The following KHDRBS3 variants were observed in gnomAD, a reference collection of about 807,000 sequenced individuals.
The protein encoded by KHDRBS3 is KH RNA binding domain containing, signal transduction associated 3, also known as KH domain-containing, RNA-binding, signal transduction-associated protein 3.
A neutral mutation model predicts 45.6 loss-of-function variants in KHDRBS3; 23 were observed. The ratio of observed to expected loss-of-function variants is 0.50; its 90% CI spans 0.36 to 0.72. KHDRBS3 has a LOEUF of 0.72. KHDRBS3 is among the 30% of genes least tolerant of loss of function. The probability of loss-of-function intolerance (pLI) is 0.00; values close to 1 mark genes in which losing one functional copy is unlikely to be tolerated. For missense variants in KHDRBS3, 352 were observed against 424.8 expected (o/e 0.83, Z 1.51); for synonymous variants, 162 against 156.5 (o/e 1.04, Z -0.26).
chr8:135,592,995 T>G (rs2130970012), intron 6 of KHDRBS3, among the ~76,000 whole-genome samples: 1 of 152,148 alleles, frequency 6.6e-6, no homozygotes, highest in Non-Finnish European at 1.5e-5. Context: ...GGCCAGGAGT[T>G]CAAGACCAGG....
intron 7 of KHDRBS3, among the ~76,000 whole-genome samples, chr8:135,622,506 T>TA (rs1161382917): frequency 6.6e-6 from 1 of 152,174 alleles, no homozygotes; most frequent in Admixed American, 6.5e-5. Flanking sequence ...GACAATCCCA[T>TA]AAAAAATCAA....
At chr8:135,552,018 A>G (rs1826628132) in intron 4 of KHDRBS3, among the ~76,000 whole-genome samples, 1 of 152,172 alleles carries the variant, frequency 6.6e-6, no homozygotes, top group Non-Finnish European at 1.5e-5. Flanking sequence ...GAGAAGAGTC[A>G]TTAATCATTT....
chr8:135,594,437 A>C (rs1828883713), intron 6 of KHDRBS3, among the ~76,000 whole-genome samples: 1 of 152,198 alleles, frequency 6.6e-6, no homozygotes, highest in Non-Finnish European at 1.5e-5. Context: ...GACCTTACTC[A>C]AATTGCTCAA....
At chr8:135,603,882 T>A (rs1829329456) in intron 6 of KHDRBS3, among the ~76,000 whole-genome samples, 1 of 152,114 alleles carries the variant, frequency 6.6e-6, no homozygotes, top group Non-Finnish European at 1.5e-5. Flanking sequence ...ATTCGGTTCT[T>A]TTTGAGTAGT....
At chr8:135,572,260 G>A (rs1827737388) in intron 5 of KHDRBS3, among the ~76,000 whole-genome samples, 1 of 152,118 alleles carries the variant, frequency 6.6e-6, no homozygotes, top group African/African-American at 2.4e-5. Context: ...TAAATAAGGA[G>A]CTCTCTGTTA....
chr8:135,554,370 C>A (rs1290301904), intron 4 of KHDRBS3, among the ~76,000 whole-genome samples: 3 of 152,078 alleles, frequency 2.0e-5, no homozygotes, highest in African/African-American at 7.2e-5. Flanking sequence ...TTCAGCGGGT[C>A]AAATATTTAC....
At chr8:135,510,747 G>A (rs1049472099) in intron 1 of KHDRBS3, among the ~76,000 whole-genome samples, 10 of 152,226 alleles carry the variant, frequency 6.6e-5, no homozygotes, top group African/African-American at 2.4e-4. Flanking sequence ...GATGGTTTTT[G>A]ATTGGTAGTC....
At chr8:135,650,496 C>G (rs887618950), downstream of KHDRBS3, among the ~76,000 whole-genome samples, 22 of 152,218 alleles carry the variant, frequency 1.4e-4, no homozygotes, top group African/African-American at 5.3e-4. Context: ...TGAATCCTCA[C>G]AGCCATAAGA....
chr8:135,591,845 C>T (rs1001358710), intron 6 of KHDRBS3, among the ~76,000 whole-genome samples: 3 of 152,118 alleles, frequency 2.0e-5, no homozygotes, highest in Admixed American at 6.5e-5. Flanking sequence ...GTTGTACTGA[C>T]GGCAAATTTC....
chr8:135,607,778 CTA>C (rs1829530695), intron 7 of KHDRBS3, among the ~76,000 whole-genome samples: 2 of 152,236 alleles, frequency 1.3e-5, no homozygotes, highest in East Asian at 3.9e-4. Flanking sequence ...AAAATATGGA[CTA>C]TGAGGTGATT....
At chr8:135,637,812 AAAATT>A (rs1240862591) in intron 7 of KHDRBS3, among the ~76,000 whole-genome samples, 1 of 152,224 alleles carries the variant, frequency 6.6e-6, no homozygotes, top group Non-Finnish European at 1.5e-5. Flanking sequence ...TCTTACCTGT[AAAATT>A]AAATAATATG....
intron 7 of KHDRBS3, among the ~76,000 whole-genome samples, chr8:135,631,252 G>GAAAA (rs35613635): frequency 8.0e-5 from 6 of 74,942 alleles, no homozygotes; most frequent in Non-Finnish European, 9.4e-5. Context: ...CTCCGTCTCG[G>GAAAA]AAAAAAAAAA....
At chr8:135,512,413 A>G in intron 1 of KHDRBS3, among the ~76,000 whole-genome samples, 1 of 103,560 alleles carries the variant, frequency 9.7e-6, no homozygotes. Flanking sequence ...ACAAGAGTTA[A>G]GGTGTTTGGA....
chr8:135,487,029 T>A (rs1480118003), intron 1 of KHDRBS3, among the ~76,000 whole-genome samples: 3 of 152,364 alleles, frequency 2.0e-5, no homozygotes, highest in Admixed American at 2.0e-4. Flanking sequence ...ACAAATTTTC[T>A]TCCTTTATTC....
At chr8:135,500,771 G>A (rs143397673) in intron 1 of KHDRBS3, among the ~76,000 whole-genome samples, 6 of 152,282 alleles carry the variant, frequency 3.9e-5, no homozygotes, top group African/African-American at 1.2e-4. Flanking sequence ...CTGAGGGCTG[G>A]CATTTAGCCA....
intron 4 of KHDRBS3, among the ~76,000 whole-genome samples, chr8:135,552,239 A>G (rs1826640194): frequency 6.6e-6 from 1 of 151,834 alleles, no homozygotes; most frequent in Non-Finnish European, 1.5e-5. Flanking sequence ...CACACCCCCT[A>G]ATTCCAGTTA....
At chr8:135,496,137 T>G in intron 1 of KHDRBS3, among the ~76,000 whole-genome samples, 1 of 142,352 alleles carries the variant, frequency 7.0e-6, no homozygotes, top group East Asian at 2.1e-4. Flanking sequence ...ATGGATCTAG[T>G]ATGAGAAAGC....
intron 2 of KHDRBS3, among the ~76,000 whole-genome samples, chr8:135,528,146 G>T (rs1825287127): frequency 6.6e-6 from 1 of 152,080 alleles, no homozygotes; most frequent in Non-Finnish European, 1.5e-5. Context: ...CAGTAACTTT[G>T]TCTTAACCAG....
chr8:135,485,844 A>ATG (rs1822832234), intron 1 of KHDRBS3, among the ~76,000 whole-genome samples: 12 of 91,312 alleles, frequency 1.3e-4, no homozygotes, highest in African/African-American at 3.8e-4. Flanking sequence ...TTTCAAGTTT[A>ATG]TATATATATA....
Sources: gnomAD v4.1 joint callset for allele counts (sites outside exome capture counted in the v4.1 genomes callset) on GRCh38, gnomAD v4.1.1 for gene constraint, MANE v1.5 for transcripts, NCBI Gene and HGNC (gene_info 2026-07-23, HGNC 2026-07-21) for gene names.